ABCC11: variants seen among roughly 807,000 people sequenced by gnomAD.
ABCC11 encodes the protein ATP binding cassette subfamily C member 11, also known as ATP-binding cassette sub-family C member 11.
Under a neutral mutation model 149.3 loss-of-function variants are expected in ABCC11, and 135 were observed. That is an observed-to-expected ratio of 0.90 (90% CI 0.79 to 1.04). ABCC11 has a LOEUF of 1.04. Ranked by LOEUF, ABCC11 falls within the 50% of genes least tolerant of loss-of-function variation. The pLI, the probability that ABCC11 is intolerant of heterozygous loss-of-function variation, is 0.00. For synonymous variants in ABCC11, 665 were observed against 671.4 expected, an observed-to-expected ratio of 0.99 and a Z score of 0.15; for missense variants, 1,680 against 1,722.1, an observed-to-expected ratio of 0.98 and a Z score of 0.43.
At chr16:48,200,174 C>G in intron 15 of ABCC11, 102 bp downstream of exon 15, 1 of 1,281,104 alleles carries the variant, frequency 7.8e-7, no homozygotes. Flanking sequence ...GAGATGAGGA[C>G]AGCTGCTGGG....
chr16:48,208,502 A>G lies in ABCC11; in HGVS notation c.1609-6T>C. 1 of 1,614,128 alleles carries G rather than the reference A, an allele frequency of 6.2e-7. No homozygotes were observed. The highest frequency in any genetic ancestry group is 8.5e-7 in the Non-Finnish European group (1 of 1,179,990). On this transcript the variant is annotated splice_polypyrimidine_tract_variant and splice_region_variant and intron_variant, in intron 11 of 29. Coordinates refer to ENST00000356608, the MANE Select transcript of ABCC11 (RefSeq NM_001370497.1). ...CAGACCCCTAACATCATCCCCTGCA[A>G]GCCAAGGAGGACATACAAGTGTTGG...
rs75126314 is a variant in ABCC11, at chr16:48,198,043, T to C, written c.2242A>G (p.Ile748Val). The change falls in exon 17 of 30, where the codon ATA becomes GTA. Residue 748 changes from isoleucine to valine, a missense_variant. Physicochemically the swap from Ile to Val is conservative, Grantham distance 29. Transcript: ENST00000356608. ...CTTTCTACCTTTGGCTTCTCTGCTATCTTTGCTGTGTCCTGCAACATGTCC... is the reference window on the plus strand; with the variant it reads ...CTTTCTACCTTTGGCTTCTCTGCTACCTTTGCTGTGTCCTGCAACATGTCC... The part of the protein sequence containing the change: ...TSDMLQDTAK[I>V]AEKPKVESQA... 3.2e-3 allele frequency: 5,212 copies of C among 1,614,198 alleles called. 170 individuals carry two copies. The African/African-American group carries it at 0.062, about 19-fold the overall frequency.
At chr16:48,208,610 C>T in intron 11 of ABCC11, 114 bp from the exon 12 acceptor site, 5 of 1,117,548 alleles carry the variant, frequency 4.5e-6, no homozygotes, top group Non-Finnish European at 6.5e-6. Context: ...AACAAAATAA[C>T]CACACAGAGC....
intron 15 of ABCC11, among the ~76,000 whole-genome samples, chr16:48,199,048 A>C (rs756809958): frequency 2.1e-4 from 32 of 151,098 alleles, no homozygotes; most frequent in Non-Finnish European, 4.3e-4. Flanking sequence ...AAATATATAT[A>C]TATATCTATA....
At chr16:48,219,267 T>C (rs1596810642) in intron 6 of ABCC11, among the ~76,000 whole-genome samples, 1 of 151,552 alleles carries the variant, frequency 6.6e-6, no homozygotes, top group African/African-American at 2.4e-5. Flanking sequence ...CCTTCTGGGC[T>C]CAAGCCATCT....
intron 8 of ABCC11, 57 bp downstream of exon 8, chr16:48,215,140 G>A (rs1442591569): frequency 1.3e-6 from 2 of 1,593,518 alleles, no homozygotes; most frequent in East Asian, 2.3e-5. Context: ...GAGGTGAGAG[G>A]GGCTCGGCTT....
At chr16:48,172,017 T>G (rs1222236018) in intron 26 of ABCC11, among the ~76,000 whole-genome samples, 1 of 152,006 alleles carries the variant, frequency 6.6e-6, no homozygotes, top group East Asian at 1.9e-4. Flanking sequence ...CAACAAAAAC[T>G]CTATACCCAT....
chr16:48,177,031 T>C lies in ABCC11; in HGVS notation c.3431A>G (p.Gln1144Arg). ...GTCTCTGTATTTCATGTGATAATCC[T>C]GAAATATGATTTCCCCATGCTGTGG... ...GWPQHGEIIF[Q>R]DYHMKYRDNT... The change falls in exon 25 of 30, where the codon CAG (glutamine) becomes CGG (arginine). Residue 1144 changes from glutamine (Q) to arginine (R), a missense_variant. Gln to Arg is a conservative substitution (Grantham distance 43). Coordinates refer to ENST00000356608, the MANE Select transcript of ABCC11 (RefSeq NM_001370497.1). 1.2e-6 allele frequency: 2 copies of C among 1,614,242 alleles called. No individual in the cohort carries two copies. Among genetic ancestry groups the C allele is most frequent in the Non-Finnish European group, 1.7e-6 (2 of 1,180,042 alleles).
intron 14 of ABCC11, among the ~76,000 whole-genome samples, chr16:48,201,653 T>C (rs113217909): frequency 3.3e-5 from 5 of 152,196 alleles, no homozygotes; most frequent in African/African-American, 7.2e-5. Flanking sequence ...TGTGGGACCA[T>C]TGGCCTGGGT....
intron 1 of ABCC11, among the ~76,000 whole-genome samples, chr16:48,240,994 G>A (rs1334644979): frequency 6.6e-6 from 1 of 151,910 alleles, no homozygotes; most frequent in Non-Finnish European, 1.5e-5. Flanking sequence ...GAGTGCAATG[G>A]CCTGATCTCA....
chr16:48,192,546 C>T lies in ABCC11; in HGVS notation c.2680G>A (p.Ala894Thr), dbSNP rs1055595970. The change falls in exon 20 of 30, where the codon GCC (alanine) becomes ACC (threonine). Residue 894 changes from alanine (A) to threonine (T), a missense_variant. By Grantham distance (58) the Ala-to-Thr change is moderately conservative (BLOSUM62 0). Transcript: ENST00000356608. ...TTGTTGAAGAGCTTGTTGTGCAGGG[C>T]CGTGGATGCCTTCCTCGTGACCTTG... is the stretch of plus-strand genomic sequence containing the variant. The part of the protein sequence containing the change: ...FTKVTRKAST[A>T]LHNKLFNKVF... 9.9e-6 allele frequency: 16 copies of T among 1,614,132 alleles called. No individual in the cohort carries two copies. The highest frequency in any genetic ancestry group is 6.7e-5 in the African/African-American group (5 of 74,950).
At chr16:48,215,051 C>G (rs753120166) in intron 8 of ABCC11, 22 bp from the exon 9 acceptor site, 1 of 1,611,752 alleles carries the variant, frequency 6.2e-7, no homozygotes, top group Non-Finnish European at 8.5e-7. Flanking sequence ...AAAAGAAATA[C>G]ACCAAAGATA....
At chr16:48,237,406 T>C (rs939175936) in intron 1 of ABCC11, among the ~76,000 whole-genome samples, 3 of 152,202 alleles carry the variant, frequency 2.0e-5, no homozygotes, top group Non-Finnish European at 2.9e-5. Context: ...TAAATCTTCA[T>C]GTCCAATCCA....
chr16:48,209,945 T>C (rs1968778208), intron 11 of ABCC11: 2 of 152,426 alleles, frequency 1.3e-5, no homozygotes, highest in African/African-American at 4.8e-5. Context: ...ATGAGGAGGT[T>C]CTGGGAGCGG....
At position 48,198,131 on chromosome 16, in the gene ABCC11, C is replaced by T. The variant is rs550195903; in HGVS notation, c.2217+10G>A. The T allele has an allele frequency of 6.2e-7, 1 of 1,614,202 alleles. No individual in the cohort carries two copies. The highest frequency in any genetic ancestry group is 1.1e-5 in the South Asian group (1 of 91,086). On this transcript the variant is annotated intron_variant, in intron 16 of 29. Transcript: ENST00000356608. ...ACCGTGGGTAGTGAGGGCAGTGGGG[C>T]AGGACTCACCGAAGTGGCTTCCTTG...
Position 48,192,639 on chromosome 16 carries a change from G to A in ABCC11, c.2587C>T (p.Gln863Ter), listed in dbSNP as rs376087167. 1.9e-6 allele frequency: 3 copies of A among 1,614,074 alleles called. No homozygotes were observed. Among genetic ancestry groups the A allele is most frequent in the African/African-American group, 1.3e-5 (1 of 74,920 alleles). ...IADNPQLSFY[Q>*]LVYGLNALLL... is the part of the protein sequence containing the mutation. ...AGGGCGTTGAGCCCGTACACCAGCT[G>A]GTAGAAGGACAGTTGAGGATTGTCT... The change falls in exon 20 of 30, where the codon CAG (glutamine) becomes TAG (stop). Residue 863 changes from glutamine (Q) to a stop codon, truncating the protein, a stop_gained. Transcript: ENST00000356608. LOFTEE classifies it high-confidence loss of function.
In ABCC11 at chr16:48,175,415, T is replaced by A; in HGVS notation, c.3541A>T (p.Lys1181Ter). ...AAGAGAGCCATGCCCAAGGAGGACTTCCCTGTGGGGCAAGAAACAAGCGGG... is the reference window on the plus strand; with the variant it reads ...AAGAGAGCCATGCCCAAGGAGGACTACCCTGTGGGGCAAGAAACAAGCGGG... ...VGIVGRTGSG[K>*]SSLGMALFRL... Residue 1181 changes from lysine (K) to a stop codon, truncating the protein, a stop_gained and splice_region_variant, in exon 26 of 30, where the codon AAG becomes TAG. Transcript: ENST00000356608. LOFTEE classifies it high-confidence loss of function. 6.2e-7 allele frequency: 1 copy of A among 1,605,072 alleles called. No homozygotes were observed. The highest frequency in any genetic ancestry group is 8.5e-7 in the Non-Finnish European group (1 of 1,172,672).
intron 26 of ABCC11, among the ~76,000 whole-genome samples, chr16:48,171,342 G>C (rs897402680): frequency 3.9e-5 from 6 of 152,198 alleles, no homozygotes; most frequent in African/African-American, 1.4e-4. Context: ...GGACTTTTCA[G>C]GCTACCATGG....
chr16:48,220,348 AAC>A (rs1165353347), intron 6 of ABCC11, among the ~76,000 whole-genome samples: 5 of 152,240 alleles, frequency 3.3e-5, no homozygotes, highest in Non-Finnish European at 7.3e-5. Context: ...TGGGGACAAT[AAC>A]AGAAACTGCC....
Sources: allele counts gnomAD v4.1 joint callset (sites outside exome capture counted in the v4.1 genomes callset), GRCh38; gene constraint gnomAD v4.1.1; transcripts MANE v1.5; gene names NCBI Gene and HGNC (gene_info 2026-07-23, HGNC 2026-07-21).